THADA: variants seen among roughly 807,000 people sequenced by gnomAD.
THADA encodes THADA armadillo repeat containing.
A neutral mutation model predicts 219.8 loss-of-function variants in THADA; 213 were observed. The ratio of observed to expected loss-of-function variants is 0.97; its 90% CI spans 0.87 to 1.09. The LOEUF is 1.09. THADA is among the 50% of genes least tolerant of loss of function. The pLI is 0.00. For missense variants in THADA, 2,956 were observed against 2,311.3 expected, an observed-to-expected ratio of 1.28 and a Z score of -5.72; for synonymous variants, 1,018 against 828.9, an observed-to-expected ratio of 1.23 and a Z score of -3.92.
chr2:43,380,016 A>G (rs186872775), intron 29 of THADA, among the ~76,000 whole-genome samples: 2 of 152,354 alleles, frequency 1.3e-5, no homozygotes, highest in East Asian at 3.9e-4. Context: ...TGGTTGCCAG[A>G]GTTTTGTGGA....
chr2:43,436,516 A>AT (rs1280133313), intron 26 of THADA, among the ~76,000 whole-genome samples: 1 of 152,154 alleles, frequency 6.6e-6, no homozygotes, highest in Non-Finnish European at 1.5e-5. Flanking sequence ...ATCAGAAACT[A>AT]TATGTTATGG....
Position 43,333,496 on chromosome 2 carries a change from T to TAAAAAAAGGAGGATCCTTTTTTTTGAAAG in THADA, c.4343+10597_4343+10625dup, listed in dbSNP as rs1553394922. Among the ~76,000 whole-genome samples the TAAAAAAAGGAGGATCCTTTTTTTTGAAAG allele has an allele frequency of 3.3e-5, 5 of 149,428 alleles. No homozygotes were observed. In the East Asian group the frequency reaches 7.8e-4, roughly 23 times the overall value. ...AAAAAAAAATAACTTTTTCTAAAATTAAAAAAAGGAGGATCCTTTTTTTTG... is the reference window on the plus strand; with the variant it reads ...AAAAAAAAATAACTTTTTCTAAAATTAAAAAAAGGAGGATCCTTTTTTTTGAAAGAAAAAAAGGAGGATCCTTTTTTTTG... On this transcript the variant is annotated intron_variant, in intron 30 of 37. Transcript: ENST00000405975.
intron 26 of THADA, among the ~76,000 whole-genome samples, chr2:43,449,162 A>G (rs879938227): frequency 1.3e-5 from 2 of 152,206 alleles, no homozygotes; most frequent in Non-Finnish European, 2.9e-5. Context: ...ACCTACCACT[A>G]AAATGTACAA....
At chr2:43,269,074 C>G (rs60554059) in intron 36 of THADA, among the ~76,000 whole-genome samples, 1 of 152,132 alleles carries the variant, frequency 6.6e-6, no homozygotes, top group Non-Finnish European at 1.5e-5. Flanking sequence ...CTGAGGAAAG[C>G]GAAAGTTCCT....
At chr2:43,257,127 G>A (rs1187839460) in intron 36 of THADA, among the ~76,000 whole-genome samples, 3 of 152,186 alleles carry the variant, frequency 2.0e-5, no homozygotes, top group African/African-American at 7.2e-5. Flanking sequence ...GAAAAACAAA[G>A]GCAGACAGAG....
At chr2:43,345,849 T>C (rs1667576553) in intron 29 of THADA, among the ~76,000 whole-genome samples, 2 of 152,228 alleles carry the variant, frequency 1.3e-5, no homozygotes, top group African/African-American at 4.8e-5. Flanking sequence ...ATGCTTCTCA[T>C]TTAGAAGCAA....
chr2:43,281,511 G>A (rs1279419328), intron 35 of THADA, among the ~76,000 whole-genome samples: 7 of 139,658 alleles, frequency 5.0e-5, no homozygotes, highest in Non-Finnish European at 4.6e-5. Context: ...GGGCAATCTT[G>A]GCTCACCGCA....
intron 29 of THADA, among the ~76,000 whole-genome samples, chr2:43,367,264 CAAT>C (rs1463008675): frequency 1.3e-5 from 2 of 152,128 alleles, no homozygotes; most frequent in African/African-American, 2.4e-5. Flanking sequence ...GGCTGCACAA[CAAT>C]GTGACCACAC....
intron 25 of THADA, chr2:43,486,320 T>C (rs1057225397): frequency 6.6e-6 from 1 of 152,188 alleles, no homozygotes; most frequent in Non-Finnish European, 1.5e-5. Context: ...CCCTATCTTT[T>C]CCAAACCAAT....
At chr2:43,422,339 G>T (rs1205247538) in intron 28 of THADA, among the ~76,000 whole-genome samples, 1 of 152,152 alleles carries the variant, frequency 6.6e-6, no homozygotes. Flanking sequence ...GTCTTCTCCA[G>T]TCTAACTGTT....
chr2:43,466,473 A>C (rs1272581749), intron 26 of THADA, among the ~76,000 whole-genome samples: 1 of 151,896 alleles, frequency 6.6e-6, no homozygotes, highest in Non-Finnish European at 1.5e-5. Flanking sequence ...CTCCTTGCAT[A>C]CCTCTATATG....
At chr2:43,465,596 T>C (rs1350364295) in intron 26 of THADA, among the ~76,000 whole-genome samples, 1 of 152,200 alleles carries the variant, frequency 6.6e-6, no homozygotes, top group Non-Finnish European at 1.5e-5. Flanking sequence ...TCCCAAAGAA[T>C]ATCAGATTAC....
chr2:43,543,560 T>C lies in THADA; in HGVS notation c.3107-2244A>G, dbSNP rs866508505. Among the ~76,000 whole-genome samples, 559 of 151,884 alleles carry C rather than the reference T, an allele frequency of 3.7e-3. 2 individuals carry two copies. Among genetic ancestry groups the C allele is most frequent in the Middle Eastern group, 6.8e-3 (2 of 294 alleles). On this transcript the variant is annotated intron_variant, in intron 20 of 37. Transcript: ENST00000405975. ...TGTTGTTTCCTGACTTTTTAATGAT[T>C]GCCATTCTACCTGGTGTGAGATGGT...
chr2:43,484,554 A>C (rs2105010323), intron 26 of THADA: 1 of 168,862 alleles, frequency 5.9e-6, no homozygotes, highest in African/African-American at 2.4e-5. Context: ...CTTAAGTGCT[A>C]AAAAACAACT....
intron 34 of THADA, among the ~76,000 whole-genome samples, chr2:43,289,886 C>T (rs887456174): frequency 6.6e-6 from 1 of 151,356 alleles, no homozygotes; most frequent in Non-Finnish European, 1.5e-5. Context: ...CTCCTGACCT[C>T]AAGGTGATCC....
chr2:43,231,363 C>G lies in THADA; in HGVS notation c.5467-20G>C, dbSNP rs750793777. 9 of 1,496,250 alleles carry G rather than the reference C, an allele frequency of 6.0e-6. No individual in the cohort carries two copies. The highest frequency in any genetic ancestry group is 4.2e-5 in the South Asian group (3 of 71,854). 92.7% of individuals were successfully genotyped at this position (1,496,250 alleles called of 1,614,324 possible). A position where few individuals can be genotyped will look rare whatever the true frequency, so the allele number is the denominator to read the frequency against. ...TTCCACCTAAATCAGATGAAAAAGC[C>G]GAAAGTCAGTCTTACAGGGAATGGT... On this transcript the variant is annotated intron_variant, in intron 37 of 37. Coordinates refer to ENST00000405975, the MANE Select transcript of THADA (RefSeq NM_022065.5).
At chr2:43,284,547 C>T (rs926231997) in intron 35 of THADA, among the ~76,000 whole-genome samples, 1 of 152,168 alleles carries the variant, frequency 6.6e-6, no homozygotes, top group Non-Finnish European at 1.5e-5. Context: ...GATGAAAACA[C>T]CCAGATGTCC....
intron 31 of THADA, among the ~76,000 whole-genome samples, chr2:43,293,427 G>C (rs535893349): frequency 2.0e-5 from 3 of 152,014 alleles, no homozygotes; most frequent in Non-Finnish European, 4.4e-5. Flanking sequence ...TTCCAACAGG[G>C]GCACAAAGGC....
chr2:43,456,867 G>A lies in THADA; in HGVS notation c.3837-26565C>T, dbSNP rs571594487. ...ACTAAGATACTAAGAGTACACCAGA[G>A]AACATAACTCACTTTCAAACTTACA... On this transcript the variant is annotated intron_variant, in intron 26 of 37. Transcript: ENST00000405975. 8.5e-5 allele frequency among the ~76,000 whole-genome samples: 13 copies of A among 152,152 alleles called. No homozygotes were observed. In the South Asian group the frequency reaches 2.7e-3, roughly 32 times the overall value.
Sources: gnomAD v4.1 joint callset for allele counts (sites outside exome capture counted in the v4.1 genomes callset) on GRCh38, gnomAD v4.1.1 for gene constraint, MANE v1.5 for transcripts, NCBI Gene and HGNC (gene_info 2026-07-23, HGNC 2026-07-21) for gene names.